Variants in ADD3 observed in about 807,000 individuals in gnomAD.
ADD3 encodes the protein adducin 3.
ADD3 carries 25 observed loss-of-function variants against 80.2 expected under a neutral mutation model. The ratio of observed to expected loss-of-function variants is 0.31; its 90% CI spans 0.23 to 0.44. The LOEUF is 0.44. ADD3 is among the 20% of genes least tolerant of loss of function. The probability of loss-of-function intolerance (pLI) is 1.00; values close to 1 mark genes in which losing one functional copy is unlikely to be tolerated. For synonymous variants in ADD3, 284 were observed against 289.6 expected, an observed-to-expected ratio of 0.98 and a Z score of 0.20; for missense variants, 829 against 847.5, an observed-to-expected ratio of 0.98 and a Z score of 0.27.
intron 1 of ADD3, among the ~76,000 whole-genome samples, chr10:110,064,251 T>C (rs1456183114): frequency 6.6e-6 from 1 of 152,152 alleles, no homozygotes; most frequent in Non-Finnish European, 1.5e-5. Flanking sequence ...CTCTTTTGAG[T>C]GTATTTCTGG....
intron 1 of ADD3, 88 bp from the exon 2 acceptor site, chr10:110,100,537 G>T (rs374081387): frequency 2.7e-5 from 22 of 826,934 alleles, no homozygotes; most frequent in East Asian, 2.2e-4. Flanking sequence ...AACTCTGAGG[G>T]CAAAATGTAA....
intron 1 of ADD3, among the ~76,000 whole-genome samples, chr10:110,037,626 T>G (rs1053508140): frequency 8.0e-5 from 12 of 149,314 alleles, no homozygotes; most frequent in Admixed American, 1.3e-4. Context: ...AAAAAAAAAG[T>G]TAACTATATA....
At chr10:109,999,904 C>T (rs532288976) in intron 1 of ADD3, among the ~76,000 whole-genome samples, 4 of 148,428 alleles carry the variant, frequency 2.7e-5, no homozygotes, top group Admixed American at 2.7e-4. Flanking sequence ...AGGCCATAAG[C>T]TATGTCTTAA....
At chr10:110,010,196 A>C (rs561755251) in intron 1 of ADD3, among the ~76,000 whole-genome samples, 1 of 152,266 alleles carries the variant, frequency 6.6e-6, no homozygotes, top group South Asian at 2.1e-4. Flanking sequence ...CCTAAAACCT[A>C]GATACAGGGT....
rs182782494 is a variant in ADD3, at chr10:110,048,729, C to G, written c.-30+40430C>G. Among the ~76,000 whole-genome samples the G allele has an allele frequency of 1.3e-4, 20 of 152,248 alleles. No homozygotes were observed. In the East Asian group the frequency reaches 2.9e-3, roughly 22 times the overall value. On this transcript the variant is annotated intron_variant, in intron 1 of 14. Transcript: ENST00000356080. Reference sequence around the variant, plus strand: ...AAATAACAAAGCATTCAAGAGGTGACTTGGGTGCTGTTAAAAGCATTCAGT... The same window carrying G: ...AAATAACAAAGCATTCAAGAGGTGAGTTGGGTGCTGTTAAAAGCATTCAGT...
chr10:110,111,058 CAGG>C (rs1849951005), intron 2 of ADD3, among the ~76,000 whole-genome samples: 1 of 152,114 alleles, frequency 6.6e-6, no homozygotes. Context: ...GCGGAGATTC[CAGG>C]AGATTTTATT....
In ADD3 at chr10:110,126,043, G is replaced by C. The variant is rs1467907221; in HGVS notation, c.1521+98G>C. 5 of 1,217,362 alleles carry C rather than the reference G, an allele frequency of 4.1e-6. No individual in the cohort carries two copies. The East Asian group carries it at 1.2e-4, about 29-fold the overall frequency. 75.4% of individuals were successfully genotyped at this position (1,217,362 alleles called of 1,614,324 possible). On this transcript the variant is annotated intron_variant, in intron 11 of 14. Transcript: ENST00000356080. ...TGGTTAATGCCAAACTTAGAAGTTTGAATACAGAAGAATTTGGAATTTAAT... is the reference window on the plus strand; with the variant it reads ...TGGTTAATGCCAAACTTAGAAGTTTCAATACAGAAGAATTTGGAATTTAAT...
chr10:110,017,016 G>T (rs1487703931), intron 1 of ADD3, among the ~76,000 whole-genome samples: 1 of 152,150 alleles, frequency 6.6e-6, no homozygotes, highest in African/African-American at 2.4e-5. Flanking sequence ...TACTTAATTA[G>T]TAATCATTTT....
upstream of ADD3, chr10:110,007,922 A>G (rs1479480893): frequency 3.7e-3 from 6 of 1,600 alleles, no homozygotes; most frequent in Non-Finnish European, 9.7e-4. Flanking sequence ...TTGGGGACCT[A>G]GGGGCGGGGC....
At chr10:109,997,982 T>G (rs1212445429) in intron 1 of ADD3, among the ~76,000 whole-genome samples, 1 of 152,190 alleles carries the variant, frequency 6.6e-6, no homozygotes, top group Admixed American at 6.5e-5. Context: ...CTAATATTTA[T>G]TGGGTATATA....
At chr10:110,012,647 A>G (rs1032315244) in intron 1 of ADD3, among the ~76,000 whole-genome samples, 3 of 152,192 alleles carry the variant, frequency 2.0e-5, no homozygotes, top group Admixed American at 1.3e-4. Flanking sequence ...TAAAAGGCTT[A>G]CTGTTCTTGT....
chr10:110,043,537 A>G (rs1212749067), intron 1 of ADD3, among the ~76,000 whole-genome samples: 1 of 152,214 alleles, frequency 6.6e-6, no homozygotes, highest in Non-Finnish European at 1.5e-5. Context: ...TAAAATGAAC[A>G]TGTATTTCTT....
intron 1 of ADD3, among the ~76,000 whole-genome samples, chr10:110,086,402 C>G (rs1041095657): frequency 2.6e-5 from 4 of 152,088 alleles, no homozygotes; most frequent in Non-Finnish European, 4.4e-5. Flanking sequence ...GAGTGAGACT[C>G]CATCCTCAAA....
intron 1 of ADD3, among the ~76,000 whole-genome samples, chr10:110,083,409 G>A (rs1249629420): frequency 1.3e-5 from 2 of 152,040 alleles, no homozygotes; most frequent in African/African-American, 4.8e-5. Flanking sequence ...CCAGCTACTC[G>A]GGAGGCTGAG....
At chr10:110,098,338 G>A (rs1365757109) in intron 1 of ADD3, among the ~76,000 whole-genome samples, 1 of 152,156 alleles carries the variant, frequency 6.6e-6, no homozygotes, top group Non-Finnish European at 1.5e-5. Flanking sequence ...TGTGTTTAGA[G>A]TATCTGTTTT....
intron 1 of ADD3, chr10:110,075,831 ATGT>A (rs2133701663): frequency 6.6e-6 from 1 of 152,352 alleles, no homozygotes; most frequent in South Asian, 2.1e-4. Context: ...TGAGAAGAGT[ATGT>A]TGGAATGGTT....
intron 5 of ADD3, among the ~76,000 whole-genome samples, chr10:110,117,718 TA>T (rs888533871): frequency 6.6e-6 from 1 of 151,132 alleles, no homozygotes; most frequent in Non-Finnish European, 1.5e-5. Flanking sequence ...AAAAATTGTG[TA>T]AAAAAAACAC....
At chr10:110,052,621 C>T (rs114675130) in intron 1 of ADD3, among the ~76,000 whole-genome samples, 1,739 of 152,256 alleles carry the variant, frequency 0.011, 30 homozygotes, top group African/African-American at 0.037. Context: ...GACCGATGGT[C>T]TATGCTAATA....
upstream of ADD3, among the ~76,000 whole-genome samples, chr10:110,005,609 A>G (rs1851592772): frequency 6.6e-6 from 1 of 152,248 alleles, no homozygotes; most frequent in Non-Finnish European, 1.5e-5. Context: ...ATTAAATTAA[A>G]TATTAGCACA....
Sources: allele counts gnomAD v4.1 joint callset (sites outside exome capture counted in the v4.1 genomes callset), GRCh38; gene constraint gnomAD v4.1.1; transcripts MANE v1.5; gene names NCBI Gene and HGNC (gene_info 2026-07-23, HGNC 2026-07-21).